Variants in SCARA3 observed in about 807,000 individuals in gnomAD.
SCARA3 encodes the protein cellular stress response gene protein.
Under a neutral mutation model 47.0 loss-of-function variants are expected in SCARA3, and 39 were observed. The ratio of observed to expected loss-of-function variants is 0.83; its 90% CI spans 0.64 to 1.08. The LOEUF (loss-of-function observed/expected upper bound fraction) is 1.08. SCARA3 is among the 50% of genes least tolerant of loss of function. The pLI is 0.00. For synonymous variants in SCARA3, 356 were observed against 334.1 expected, an observed-to-expected ratio of 1.07 and a Z score of -0.71; for missense variants, 724 against 792.3, an observed-to-expected ratio of 0.91 and a Z score of 1.04.
the SCARA3 span, chr8:27,733,978 T>G: frequency 4.6e-5 from 7 of 152,238 alleles, no homozygotes; most frequent in Non-Finnish European, 1.0e-4. Context: ...GGAAAACCGC[T>G]GGCACTGAAT....
chr8:27,688,058 G>A, the SCARA3 span, among the ~76,000 whole-genome samples: 7 of 152,086 alleles, frequency 4.6e-5, no homozygotes, highest in African/African-American at 1.7e-4. Flanking sequence ...GGAATCTGAT[G>A]GCTTCTTTAG....
chr8:27,641,312 A>T (rs1327060983), intron 1 of SCARA3, among the ~76,000 whole-genome samples: 1 of 152,254 alleles, frequency 6.6e-6, no homozygotes, highest in Non-Finnish European at 1.5e-5. Context: ...TTTGAAGTGT[A>T]GGCATCTGGA....
chr8:27,708,676 A>T, the SCARA3 span, among the ~76,000 whole-genome samples: 1 of 152,200 alleles, frequency 6.6e-6, no homozygotes, highest in Non-Finnish European at 1.5e-5. Context: ...GACAGATAAT[A>T]ACTTCTTTAA....
At chr8:27,718,774 C>A in the SCARA3 span, among the ~76,000 whole-genome samples, 4 of 152,304 alleles carry the variant, frequency 2.6e-5, no homozygotes, top group African/African-American at 9.6e-5. Flanking sequence ...TGCATAAAAG[C>A]AAAACTTGCA....
rs201467797 is a variant in SCARA3 at position 27,658,692 on chromosome 8, C to G, written c.522C>G (p.Cys174Trp). 2.0e-5 allele frequency: 32 copies of G among 1,613,934 alleles called. No homozygotes were observed. Among genetic ancestry groups the G allele is most frequent in the Non-Finnish European group, 2.7e-5 (32 of 1,179,974 alleles). ...AAATCTCCCAGGAGATGGGCAGTTGCTCCTTCTCCATCCACCAGGTTAACC... is the reference window on the plus strand; with the variant it reads ...AAATCTCCCAGGAGATGGGCAGTTGGTCCTTCTCCATCCACCAGGTTAACC... The part of the protein sequence containing the change: ...SRQISQEMGS[C>W]SFSIHQVNQS... The change falls in exon 5 of 6, where the codon TGC becomes TGG. Residue 174 changes from cysteine (C) to tryptophan (W), a missense_variant. Cys to Trp is a radical substitution (Grantham distance 215). Transcript: ENST00000301904.
At chr8:27,637,518 G>A (rs541264587) in intron 1 of SCARA3, among the ~76,000 whole-genome samples, 145 of 152,274 alleles carry the variant, frequency 9.5e-4, no homozygotes, top group South Asian at 6.2e-3. Context: ...CTTCGGCCCC[G>A]TTGTCCTCCT....
intron 1 of SCARA3, among the ~76,000 whole-genome samples, chr8:27,638,015 G>A (rs2128914212): frequency 6.6e-6 from 1 of 152,256 alleles, no homozygotes; most frequent in African/African-American, 2.4e-5. Context: ...CAGCGGCTCA[G>A]ATGTTGGAGT....
chr8:27,723,014 C>T, the SCARA3 span, among the ~76,000 whole-genome samples: 1 of 152,182 alleles, frequency 6.6e-6, no homozygotes, highest in Non-Finnish European at 1.5e-5. Flanking sequence ...AGAATACATC[C>T]CAACATCAAC....
the SCARA3 span, among the ~76,000 whole-genome samples, chr8:27,722,521 A>G: frequency 2.9e-3 from 434 of 152,222 alleles, 7 homozygotes; most frequent in African/African-American, 9.9e-3. Context: ...CTCCATCCAT[A>G]GTATCCACAA....
At chr8:27,697,225 G>A in the SCARA3 span, 10 of 218,444 alleles carry the variant, frequency 4.6e-5, no homozygotes, top group African/African-American at 2.1e-4. Flanking sequence ...CTCAGCAGAC[G>A]CAGCCTGCAG....
At chr8:27,722,084 T>C in the SCARA3 span, among the ~76,000 whole-genome samples, 1 of 152,216 alleles carries the variant, frequency 6.6e-6, no homozygotes, top group African/African-American at 2.4e-5. Flanking sequence ...AGTGAGATCC[T>C]GTCTCTAAAT....
At chr8:27,719,049 C>T in the SCARA3 span, among the ~76,000 whole-genome samples, 2 of 152,152 alleles carry the variant, frequency 1.3e-5, no homozygotes, top group Non-Finnish European at 2.9e-5. Context: ...AATGCAGGCT[C>T]TTCTATTTTG....
chr8:27,678,037 C>T (rs1160254361), downstream of SCARA3, among the ~76,000 whole-genome samples: 4 of 151,990 alleles, frequency 2.6e-5, no homozygotes, highest in South Asian at 2.1e-4. Flanking sequence ...TGTGTGATAC[C>T]GCTAAAGCAG....
chr8:27,720,391 G>A, the SCARA3 span, among the ~76,000 whole-genome samples: 1 of 151,966 alleles, frequency 6.6e-6, no homozygotes. Context: ...GTCTGGGAAG[G>A]GGCTGTGTAA....
chr8:27,651,760 G>A, intron 3 of SCARA3, 133 bp downstream of exon 3: 1 of 1,258,222 alleles, frequency 7.9e-7, no homozygotes, highest in Non-Finnish European at 1.1e-6. Flanking sequence ...TTCCTGGCTA[G>A]GGGATCTCTA....
the SCARA3 span, among the ~76,000 whole-genome samples, chr8:27,711,998 T>C: frequency 6.6e-6 from 1 of 152,194 alleles, no homozygotes. Context: ...TAATGACGGG[T>C]ATCCACCATT....
chr8:27,670,798 G>A, intron 5 of SCARA3, 102 bp from the exon 6 acceptor site: 1 of 929,862 alleles, frequency 1.1e-6, no homozygotes, highest in South Asian at 1.7e-5. Context: ...CGCTGGACTT[G>A]TTCAACCCTC....
chr8:27,708,853 A>C, the SCARA3 span, among the ~76,000 whole-genome samples: 1 of 152,216 alleles, frequency 6.6e-6, no homozygotes, highest in Non-Finnish European at 1.5e-5. Flanking sequence ...AAAAAAATTA[A>C]ATGTAAATAA....
the SCARA3 span, among the ~76,000 whole-genome samples, chr8:27,729,715 C>T: frequency 6.6e-6 from 1 of 151,990 alleles, no homozygotes; most frequent in South Asian, 2.1e-4. Context: ...CGCGTGAACC[C>T]GGGAGGCGAA....
Sources: gnomAD v4.1 joint callset for allele counts (sites outside exome capture counted in the v4.1 genomes callset) on GRCh38, gnomAD v4.1.1 for gene constraint, MANE v1.5 for transcripts, NCBI Gene and HGNC (gene_info 2026-07-23, HGNC 2026-07-21) for gene names.